Variants in HBP1 observed in about 807,000 individuals in gnomAD.
The protein encoded by HBP1 is HMG box-containing protein 1.
In HBP1, 20 loss-of-function variants were observed where a neutral mutation model predicts 62.6. The ratio of observed to expected loss-of-function variants is 0.32; its 90% CI spans 0.22 to 0.46. The LOEUF (loss-of-function observed/expected upper bound fraction) is 0.46. Among genes scored for constraint, HBP1 ranks in the 20% least tolerant of loss-of-function variants. The probability of loss-of-function intolerance (pLI) is 1.00; values close to 1 mark genes in which losing one functional copy is unlikely to be tolerated. For missense variants in HBP1, 480 were observed against 611.8 expected (o/e 0.78, Z 2.27); for synonymous variants, 232 against 206.2 (o/e 1.12, Z -1.07).
At chr7:107,188,386 A>G (rs75235388) in intron 6 of HBP1, among the ~76,000 whole-genome samples, 3,021 of 152,004 alleles carry the variant, frequency 0.02, 107 homozygotes, top group African/African-American at 0.067. Context: ...TTACTATTCT[A>G]TTTCTTCCCT....
chr7:107,173,886 A>G (rs1367311728), intron 1 of HBP1, among the ~76,000 whole-genome samples: 3 of 152,242 alleles, frequency 2.0e-5, no homozygotes, highest in African/African-American at 7.2e-5. Context: ...GCAGTATACA[A>G]AAGCATGAAT....
In HBP1 at chr7:107,186,485, A is replaced by C; in HGVS notation, c.652+13A>C. On this transcript the variant is annotated intron_variant, in intron 5 of 10. Coordinates refer to ENST00000222574, the MANE Select transcript of HBP1 (RefSeq NM_012257.4). ...TGTTTTTTGAAAGGTAAAACAAACA[A>C]ACAAACAAAAACCTTGAATTTTCCA... 6 of 1,593,184 alleles carry C rather than the reference A, an allele frequency of 3.8e-6. No homozygotes were observed. The highest frequency in any genetic ancestry group is 5.2e-6 in the Non-Finnish European group (6 of 1,162,980).
intron 1 of HBP1, among the ~76,000 whole-genome samples, chr7:107,171,157 CCTT>C (rs1796574567): frequency 6.8e-6 from 1 of 146,252 alleles, no homozygotes; most frequent in Non-Finnish European, 1.5e-5. Context: ...GCAACCTCCA[CCTT>C]CTGGGTTCAA....
Position 107,186,641 on chromosome 7 carries a change from G to C in HBP1, c.725G>C (p.Gly242Ala), listed in dbSNP as rs756515777. The change falls in exon 6 of 11, where the codon GGC (glycine) becomes GCC (alanine). Residue 242 changes from glycine (G) to alanine (A), a missense_variant. Physicochemically the swap from Gly to Ala is moderately conservative, Grantham distance 60. Transcript: ENST00000222574. ...QDVEDFARAE[G>A]CDNEEDLQMG... ...GTTGAAGATTTTGCTAGAGCTGAAG[G>C]CTGTGATAATGAGGAAGATCTTCAA... 6.2e-7 allele frequency: 1 copy of C among 1,612,376 alleles called. No individual in the cohort carries two copies. The highest frequency in any genetic ancestry group is 8.5e-7 in the Non-Finnish European group (1 of 1,178,768).
chr7:107,187,149 A>C lies in HBP1; in HGVS notation c.765+468A>C, dbSNP rs540922854. Among the ~76,000 whole-genome samples the C allele has an allele frequency of 6.6e-4, 100 of 152,222 alleles. No individual in the cohort carries two copies. In the South Asian group the frequency reaches 0.02, roughly 31 times the overall value. Reference sequence around the variant, plus strand: ...GCGCCTGTAGTCCCAACTACTTGGGAGGCTGAGGCAGGAGAATGGTGTGAA... The same window carrying C: ...GCGCCTGTAGTCCCAACTACTTGGGCGGCTGAGGCAGGAGAATGGTGTGAA... On this transcript the variant is annotated intron_variant, in intron 6 of 10. Coordinates refer to ENST00000222574, the MANE Select transcript of HBP1 (RefSeq NM_012257.4).
intron 6 of HBP1, among the ~76,000 whole-genome samples, chr7:107,187,744 C>T (rs560942948): frequency 1.2e-4 from 18 of 152,274 alleles, no homozygotes; most frequent in African/African-American, 3.1e-4. Context: ...AGAGAGACGT[C>T]GTTTGTTCTG....
At chr7:107,188,625 A>G (rs906885092) in intron 6 of HBP1, among the ~76,000 whole-genome samples, 2 of 152,182 alleles carry the variant, frequency 1.3e-5, no homozygotes, top group Admixed American at 1.3e-4. Context: ...TATTCATTGA[A>G]TTTAAATTTT....
intron 1 of HBP1, among the ~76,000 whole-genome samples, chr7:107,170,974 CAT>C (rs1238761606): frequency 7.1e-5 from 9 of 125,896 alleles, no homozygotes; most frequent in Non-Finnish European, 1.2e-4. Flanking sequence ...AAATATATAA[CAT>C]ACATGTATAT....
At chr7:107,181,449 G>A (rs1283161071) in intron 2 of HBP1, among the ~76,000 whole-genome samples, 1 of 151,976 alleles carries the variant, frequency 6.6e-6, no homozygotes, top group Non-Finnish European at 1.5e-5. Flanking sequence ...TCCAGCCTGG[G>A]CAACAGAGTA....
chr7:107,182,378 C>T lies in HBP1; in HGVS notation c.175C>T (p.Leu59Phe), dbSNP rs376024723. The stretch of plus-strand genomic sequence containing the variant: ...TTGAGTGTGCTTATTTGCAGATGAC[C>T]TTCCTGAACTTCAGGCAGTTCAAAG... ...SCDEHMELDD[L>F]PELQAVQSDP... Residue 59 changes from leucine (L) to phenylalanine (F), a missense_variant, in exon 3 of 11, where the codon CTT becomes TTT. This residue lies in a region of HBP1 where 304 missense variants were observed against 330.9 expected (regional missense o/e 0.92). Transcript: ENST00000222574. 2 of 1,589,194 alleles carry T rather than the reference C, an allele frequency of 1.3e-6. No homozygotes were observed. Among genetic ancestry groups the T allele is most frequent in the Non-Finnish European group, 8.6e-7 (1 of 1,158,020 alleles).
In HBP1 at chr7:107,195,978, A is replaced by G; in HGVS notation, c.1212A>G (p.Gly404=). Residue 404 remains glycine, a synonymous_variant, in exon 9 of 11, where the codon GGA becomes GGG. Transcript: ENST00000222574. ...SGFSKNCGSP[G]SSQLSSNSLY... ...TCAGTAAAAACTGTGGCTCACCTGG[A>G]TCATCACAGCTCTCTTCCAATTCTT... 6.8e-6 allele frequency: 11 copies of G among 1,614,150 alleles called. No homozygotes were observed. Among genetic ancestry groups the G allele is most frequent in the Non-Finnish European group, 9.3e-6 (11 of 1,180,014 alleles).
chr7:107,169,644 CCTT>C (rs1402628677), intron 1 of HBP1: 5 of 685,464 alleles, frequency 7.3e-6, no homozygotes, highest in South Asian at 6.4e-5. Flanking sequence ...GGCGCCGCCT[CCTT>C]CTGGACTGAG....
chr7:107,189,509 T>A, intron 7 of HBP1, 61 bp downstream of exon 7: 1 of 1,303,776 alleles, frequency 7.7e-7, no homozygotes, highest in Non-Finnish European at 1.1e-6. Flanking sequence ...AATCTGTAAT[T>A]ATGTCTGTAG....
At position 107,171,046 on chromosome 7, in the gene HBP1, AATATATAT is replaced by A. The variant is rs374693805; in HGVS notation, c.-16+1882_-16+1889del. ...AAAATATATAACATATACATGTATA[AATATATAT>A]ATATATATATATATATATATTTTTT... On this transcript the variant is annotated intron_variant, in intron 1 of 10. Transcript: ENST00000222574. Among the ~76,000 whole-genome samples the A allele has an allele frequency of 3.8e-4, 23 of 60,506 alleles. 3 individuals are homozygous for A. Among genetic ancestry groups the A allele is most frequent in the Non-Finnish European group, 6.4e-4 (20 of 31,014 alleles). The allele number at this position is 60,506 out of a possible 152,430, so 39.7% of individuals were successfully genotyped here.
chr7:107,171,046 AATATATATATAT>A (rs374693805), intron 1 of HBP1, among the ~76,000 whole-genome samples: 1 of 60,506 alleles, frequency 1.7e-5, no homozygotes, highest in African/African-American at 7.7e-5. Flanking sequence ...TACATGTATA[AATATATATATAT>A]ATATATATAT....
At chr7:107,178,143 C>T (rs1346574451) in intron 1 of HBP1, among the ~76,000 whole-genome samples, 1 of 152,056 alleles carries the variant, frequency 6.6e-6, no homozygotes, top group Admixed American at 6.6e-5. Flanking sequence ...TTGCAAAAGT[C>T]AGGATTTTTT....
intron 2 of HBP1, among the ~76,000 whole-genome samples, chr7:107,181,464 C>T (rs936808019): frequency 6.6e-6 from 1 of 151,598 alleles, no homozygotes; most frequent in Admixed American, 6.6e-5. Context: ...AGAGTAAGAC[C>T]CTATCTCAAA....
chr7:107,174,652 T>G lies in HBP1; in HGVS notation c.-15-5227T>G, dbSNP rs924177813. The G allele has an allele frequency of 4.1e-6, 4 of 984,512 alleles. No individual in the cohort carries two copies. The African/African-American group carries it at 7.0e-5, about 17-fold the overall frequency. 61.0% of individuals were successfully genotyped at this position (984,512 alleles called of 1,614,324 possible). On this transcript the variant is annotated intron_variant, in intron 1 of 10. Coordinates refer to ENST00000222574, the MANE Select transcript of HBP1 (RefSeq NM_012257.4). ...AAGACAAGACAGACTGCAGCTGTGC[T>G]TCTGTGGACCCCAAGAACAGCACTG...
At chr7:107,182,332 A>T in intron 2 of HBP1, 41 bp from the exon 3 acceptor site, 1 of 1,053,770 alleles carries the variant, frequency 9.5e-7, no homozygotes, top group Non-Finnish European at 1.5e-6. Flanking sequence ...TCCTTGTATT[A>T]GTAATTTCCT....
Sources: gnomAD v4.1 joint callset for allele counts (sites outside exome capture counted in the v4.1 genomes callset) on GRCh38, gnomAD v4.1.1 for gene constraint, gnomAD v4.1.1 regional missense constraint, MANE v1.5 for transcripts, NCBI Gene and HGNC (gene_info 2026-07-23, HGNC 2026-07-21) for gene names.